Variants in SCN7A observed in about 807,000 individuals in gnomAD.
SCN7A encodes the protein sodium voltage-gated channel alpha subunit 7.
Under a neutral mutation model 155.2 loss-of-function variants are expected in SCN7A, and 138 were observed. The observed-to-expected ratio is 0.89, with a 90% confidence interval of 0.77 to 1.02. The LOEUF (loss-of-function observed/expected upper bound fraction) is 1.02. Ranked by LOEUF, SCN7A falls within the 50% of genes least tolerant of loss-of-function variation. SCN7A has a pLI of 0.00. For synonymous variants in SCN7A, 693 were observed against 649.0 expected (o/e 1.07, Z -1.03); for missense variants, 2,058 against 1,986.6 (o/e 1.04, Z -0.68).
chr2:166,473,911 T>C (rs368172060), intron 4 of SCN7A, 23 bp from the exon 5 acceptor site: 2 of 1,227,514 alleles, frequency 1.6e-6, no homozygotes, highest in South Asian at 1.4e-5. Context: ...CAAGGAATAA[T>C]AGTTAATAAA....
At chr2:166,436,406 AC>A (rs1473357095) in intron 15 of SCN7A, 1 of 443,212 alleles carries the variant, frequency 2.3e-6, no homozygotes, top group East Asian at 7.4e-5. Flanking sequence ...TTCCTCTTCC[AC>A]CGTGATTGTA....
Position 166,416,849 on chromosome 2 carries a change from G to A in SCN7A, c.3272C>T (p.Thr1091Ile). The A allele has an allele frequency of 6.2e-7, 1 of 1,613,678 alleles. No individual in the cohort carries two copies. Among genetic ancestry groups the A allele is most frequent in the African/African-American group, 1.3e-5 (1 of 75,014 alleles). Residue 1091 changes from threonine (T) to isoleucine (I), a missense_variant, in exon 21 of 26, where the codon ACA becomes ATA. Physicochemically the swap from Thr to Ile is moderately conservative, Grantham distance 89. Transcript: ENST00000643258. Reference protein sequence around the residue: ...AGRFYECIDPTSGERFPSSEV... With the variant: ...AGRFYECIDPISGERFPSSEV... ...AGATGAAGGAAACCTTTCTCCACTTGTTGGGTCAATGCATTCATAGAATCT... is the reference window on the plus strand; with the variant it reads ...AGATGAAGGAAACCTTTCTCCACTTATTGGGTCAATGCATTCATAGAATCT...
chr2:166,464,974 T>G lies in SCN7A; in HGVS notation c.941+488A>C, dbSNP rs1225104473. 2.0e-5 allele frequency among the ~76,000 whole-genome samples: 3 copies of G among 152,314 alleles called. No individual in the cohort carries two copies. The East Asian group carries it at 5.8e-4, about 29-fold the overall frequency. ...TATTCCACATTGCATACTTCTGCTA[T>G]GGTCTGAATGTTTGTGTCCCCTCAA... On this transcript the variant is annotated intron_variant, in intron 9 of 25. Coordinates refer to ENST00000643258, the MANE Select transcript of SCN7A (RefSeq NM_002976.4).
intron 12 of SCN7A, among the ~76,000 whole-genome samples, chr2:166,445,797 A>G (rs1242650778): frequency 6.6e-6 from 1 of 152,120 alleles, no homozygotes; most frequent in Non-Finnish European, 1.5e-5. Context: ...CTATTTAATA[A>G]ATGATGCTGG....
chr2:166,471,449 T>C (rs757702308), intron 6 of SCN7A, among the ~76,000 whole-genome samples: 13 of 151,860 alleles, frequency 8.6e-5, no homozygotes, highest in East Asian at 1.9e-4. Context: ...GCAAAGATAA[T>C]GGTAATAATA....
chr2:166,432,534 G>A lies in SCN7A; in HGVS notation c.2376C>T (p.Asp792=). 2 of 1,613,510 alleles carry A rather than the reference G, an allele frequency of 1.2e-6. No homozygotes were observed. Among genetic ancestry groups the A allele is most frequent in the Non-Finnish European group, 1.7e-6 (2 of 1,179,618 alleles). Residue 792 remains aspartate (D), a synonymous_variant, in exon 16 of 26, where the codon GAC becomes GAT. Coordinates refer to ENST00000643258, the MANE Select transcript of SCN7A (RefSeq NM_002976.4). The part of the protein sequence containing the change: ...NEVYVKEDIS[D]HTLSELSNTQ... ...TGTTGCTCAATTCAGAAAGGGTATG[G>A]TCAGAAATATCTTCTTTAACATATA...
chr2:166,447,519 T>C (rs997600294), intron 12 of SCN7A, 93 bp downstream of exon 12: 2 of 764,146 alleles, frequency 2.6e-6, no homozygotes, highest in South Asian at 1.9e-5. Context: ...GTTATTACCA[T>C]CTAAGATTCT....
At chr2:166,417,069 T>C (rs1701394444) in intron 20 of SCN7A, 84 bp from the exon 21 acceptor site, 9 of 1,028,564 alleles carry the variant, frequency 8.8e-6, no homozygotes, top group Non-Finnish European at 1.2e-5. Context: ...TACTAATTGA[T>C]AGAATAACAT....
intron 1 of SCN7A, among the ~76,000 whole-genome samples, chr2:166,493,713 G>A (rs1325750975): frequency 1.3e-5 from 2 of 152,222 alleles, no homozygotes; most frequent in Non-Finnish European, 2.9e-5. Flanking sequence ...GTTGGTTTCA[G>A]AAGCTTACCT....
intron 2 of SCN7A, among the ~76,000 whole-genome samples, chr2:166,484,674 A>C (rs906238137): frequency 6.6e-5 from 10 of 151,988 alleles, no homozygotes; most frequent in African/African-American, 2.4e-4. Context: ...AATCTTGAAA[A>C]CAATTTGGAA....
At chr2:166,489,544 GT>G (rs1405414869) in intron 1 of SCN7A, among the ~76,000 whole-genome samples, 2 of 152,200 alleles carry the variant, frequency 1.3e-5, no homozygotes, top group African/African-American at 4.8e-5. Context: ...AACCATCTGT[GT>G]GAATAAACGT....
chr2:166,415,090 A>T (rs1701345240), intron 21 of SCN7A, among the ~76,000 whole-genome samples: 1 of 147,752 alleles, frequency 6.8e-6, no homozygotes, highest in African/African-American at 2.5e-5. Flanking sequence ...AAGCCTGACT[A>T]ATACATTACC....
intron 22 of SCN7A, 58 bp downstream of exon 22, chr2:166,413,010 T>C (rs956379667): frequency 8.9e-6 from 11 of 1,236,190 alleles, no homozygotes; most frequent in African/African-American, 1.5e-5. Context: ...TGTGCTCGAA[T>C]TGCAAAAATG....
At chr2:166,432,859 T>C in intron 15 of SCN7A, 107 bp from the exon 16 acceptor site, 1 of 751,278 alleles carries the variant, frequency 1.3e-6, no homozygotes, top group South Asian at 2.1e-5. Context: ...TCTACTCTGT[T>C]AGCATTTTTC....
chr2:166,487,312 A>G (rs75836177), intron 1 of SCN7A, among the ~76,000 whole-genome samples: 5,477 of 152,326 alleles, frequency 0.036, 112 homozygotes, highest in Non-Finnish European at 0.04. Context: ...GGCTGCATCA[A>G]CAGCATTTTG....
In SCN7A at chr2:166,432,317, C is replaced by T. The variant is rs750574406; in HGVS notation, c.2592+1G>A. On this transcript the variant is annotated splice_donor_variant, in intron 16 of 25. Transcript: ENST00000643258. LOFTEE classifies it high-confidence loss of function. ...GCAATCAGGATATTTAAACATCTTACCTCTTTGCTGCCTCCATCACCAGAC... is the reference window on the plus strand; with the variant it reads ...GCAATCAGGATATTTAAACATCTTATCTCTTTGCTGCCTCCATCACCAGAC... The T allele has an allele frequency of 6.3e-7, 1 of 1,596,866 alleles. No individual in the cohort carries two copies. Among genetic ancestry groups the T allele is most frequent in the Non-Finnish European group, 8.5e-7 (1 of 1,172,556 alleles).
Position 166,444,934 on chromosome 2 carries a change from C to T in SCN7A, c.1454G>A (p.Trp485Ter). The T allele has an allele frequency of 6.2e-7, 1 of 1,613,550 alleles. No homozygotes were observed. The highest frequency in any genetic ancestry group is 8.5e-7 in the Non-Finnish European group (1 of 1,179,668). Residue 485 changes from tryptophan to a stop codon, truncating the protein, a stop_gained, in exon 13 of 26, where the codon TGG becomes TAG. Transcript: ENST00000643258. LOFTEE classifies it high-confidence loss of function. ...WYKFAKTFLI[W>*]NCSPCWLKLK... ...TTTTAACCAACAGGGAGAACAATTC[C>T]AGATCAAGAAAGTTTTAGCAAACTT... is the stretch of plus-strand genomic sequence containing the variant.
At chr2:166,475,454 A>G (rs1702777518) in intron 3 of SCN7A, among the ~76,000 whole-genome samples, 1 of 151,400 alleles carries the variant, frequency 6.6e-6, no homozygotes, top group African/African-American at 2.4e-5. Context: ...TTTCATGAAT[A>G]AGTGTTCTAA....
intron 11 of SCN7A, among the ~76,000 whole-genome samples, chr2:166,454,933 G>T (rs1475134883): frequency 1.3e-5 from 2 of 151,948 alleles, no homozygotes; most frequent in Non-Finnish European, 2.9e-5. Context: ...TGAGGCTAAA[G>T]AATCTGAAAA....
Sources: allele counts gnomAD v4.1 joint callset (sites outside exome capture counted in the v4.1 genomes callset), GRCh38; gene constraint gnomAD v4.1.1; transcripts MANE v1.5; gene names NCBI Gene and HGNC (gene_info 2026-07-23, HGNC 2026-07-21).